KRT222: variants seen among roughly 807,000 people sequenced by gnomAD.
The protein encoded by KRT222 is keratin 222.
A neutral mutation model predicts 35.0 loss-of-function variants in KRT222; 23 were observed. The observed-to-expected ratio is 0.66, with a 90% CI of 0.47 to 0.93. The LOEUF (loss-of-function observed/expected upper bound fraction) is 0.93. Among genes scored for constraint, KRT222 ranks in the 40% least tolerant of loss-of-function variants. The pLI, the probability that KRT222 is intolerant of heterozygous loss-of-function variation, is 0.00. For missense variants in KRT222, 339 were observed against 346.3 expected (o/e 0.98, Z 0.17); for synonymous variants, 108 against 118.8 (o/e 0.91, Z 0.59).
chr17:40,663,894 T>C (rs1312868997), intron 1 of KRT222, among the ~76,000 whole-genome samples: 6 of 152,236 alleles, frequency 3.9e-5, no homozygotes, highest in Admixed American at 2.0e-4. Flanking sequence ...TTGTCATCTA[T>C]TGATTTTTTT....
chr17:40,657,236 T>C, intron 5 of KRT222, 116 bp downstream of exon 5: 1 of 687,158 alleles, frequency 1.5e-6, no homozygotes, highest in Admixed American at 3.7e-5. Context: ...AATCACAGTA[T>C]ACTAAAACTA....
intron 2 of KRT222, 76 bp from the exon 3 acceptor site, chr17:40,660,283 T>TA: frequency 1.7e-6 from 2 of 1,158,662 alleles, no homozygotes; most frequent in Non-Finnish European, 2.5e-6. Flanking sequence ...AATATCTTCA[T>TA]CTTTTTTTTT....
At chr17:40,662,515 T>C (rs1205647613) in intron 1 of KRT222, among the ~76,000 whole-genome samples, 1 of 152,174 alleles carries the variant, frequency 6.6e-6, no homozygotes, top group East Asian at 1.9e-4. Context: ...AGGGCGTAAA[T>C]ACTGCTAGGA....
chr17:40,661,117 T>C (rs2037381262), intron 2 of KRT222, among the ~76,000 whole-genome samples: 1 of 151,954 alleles, frequency 6.6e-6, no homozygotes, highest in Non-Finnish European at 1.5e-5. Flanking sequence ...GCTAATTTTT[T>C]GTATTTTTAG....
intron 5 of KRT222, 23 bp downstream of exon 5, chr17:40,657,329 T>C (rs746020824): frequency 6.8e-7 from 1 of 1,470,174 alleles, no homozygotes; most frequent in Non-Finnish European, 9.1e-7. Flanking sequence ...TTATTATTTC[T>C]TAGTCAAAGT....
intron 1 of KRT222, among the ~76,000 whole-genome samples, chr17:40,663,352 A>T (rs2144035586): frequency 6.6e-6 from 1 of 152,308 alleles, no homozygotes; most frequent in Non-Finnish European, 1.5e-5. Context: ...ATGCTGTGCC[A>T]CTTCTAGACC....
intron 4 of KRT222, 28 bp downstream of exon 4, chr17:40,657,646 A>G (rs1171989850): frequency 6.3e-7 from 1 of 1,586,534 alleles, no homozygotes; most frequent in African/African-American, 1.3e-5. Context: ...TCACTTTTCA[A>G]ATGAGTTTAT....
chr17:40,663,925 T>C (rs1242197804), intron 1 of KRT222, among the ~76,000 whole-genome samples: 2 of 152,212 alleles, frequency 1.3e-5, no homozygotes, highest in Non-Finnish European at 2.9e-5. Context: ...TAAAGGTGAA[T>C]GAACTATCCC....
chr17:40,663,173 T>C (rs560828689), intron 1 of KRT222, among the ~76,000 whole-genome samples: 2 of 152,326 alleles, frequency 1.3e-5, no homozygotes, highest in Admixed American at 6.5e-5. Context: ...TCTGCTGGTC[T>C]TGTGGCTTTC....
At chr17:40,663,950 C>G (rs1454058264) in intron 1 of KRT222, among the ~76,000 whole-genome samples, 2 of 152,034 alleles carry the variant, frequency 1.3e-5, no homozygotes. Flanking sequence ...CTTACCTGTA[C>G]CAGTGACTTT....
intron 3 of KRT222, 92 bp downstream of exon 3, chr17:40,659,895 T>C: frequency 9.6e-7 from 1 of 1,039,180 alleles, no homozygotes; most frequent in Non-Finnish European, 1.5e-6. Flanking sequence ...GATGATGGGG[T>C]TTTTGGATTT....
chr17:40,656,708 A>G (rs984445215), intron 5 of KRT222, 78 bp from the exon 6 acceptor site: 22 of 742,326 alleles, frequency 3.0e-5, no homozygotes, highest in Non-Finnish European at 4.3e-5. Flanking sequence ...TTTCATATCT[A>G]TGGAAAAATC....
chr17:40,663,394 C>T (rs2037398691), intron 1 of KRT222, among the ~76,000 whole-genome samples: 1 of 152,180 alleles, frequency 6.6e-6, no homozygotes, highest in African/African-American at 2.4e-5. Context: ...GCTTCCACTT[C>T]TATGCTTTTG....
In KRT222 at chr17:40,657,607, C is replaced by CTTATAAAGTAA. The variant is rs1427967341; in HGVS notation, c.523+56_523+66dup. On this transcript the variant is annotated intron_variant, in intron 4 of 5. Coordinates refer to ENST00000394052, the MANE Select transcript of KRT222 (RefSeq NM_152349.3). ...TTTCGACTTTAAAGTATTTAATTTC[C>CTTATAAAGTAA]TTATAAAGTAATCCCTGTAAATAGT... The CTTATAAAGTAA allele has an allele frequency of 6.3e-5, 95 of 1,501,286 alleles. No individual in the cohort carries two copies. The African/African-American group carries it at 1.2e-3, about 19-fold the overall frequency. The allele number at this position is 1,501,286 out of a possible 1,614,324, so 93.0% of individuals were successfully genotyped here.
rs1387751511 is a variant in KRT222, at chr17:40,656,209, T to C, written c.*193A>G. 4 of 520,548 alleles carry C rather than the reference T, an allele frequency of 7.7e-6. No homozygotes were observed. Among genetic ancestry groups the C allele is most frequent in the Non-Finnish European group, 1.4e-5 (4 of 296,142 alleles). 32.2% of individuals were successfully genotyped at this position (520,548 alleles called of 1,614,324 possible). On this transcript the variant is annotated 3_prime_UTR_variant, in exon 6 of 6. Transcript: ENST00000394052. The stretch of plus-strand genomic sequence containing the variant: ...CTACTCCCTCTCATTCATATATATA[T>C]ATATATGTCTATCTCCATAATTAGA...
rs776115555 is a variant in KRT222, at chr17:40,659,981, A to G, written c.446+6T>C. The G allele has an allele frequency of 6.2e-7, 1 of 1,601,230 alleles. No homozygotes were observed. The stretch of plus-strand genomic sequence containing the variant: ...CCCTTGTCATTAACTAAATGGATTT[A>G]GGTACCTGATTTCTTCTTTTTCTAG... On this transcript the variant is annotated splice_donor_region_variant and intron_variant, in intron 3 of 5. Transcript: ENST00000394052.
rs567804981 is a variant in KRT222, at chr17:40,661,718, T to C, written c.225+198A>G. On this transcript the variant is annotated intron_variant, in intron 2 of 5. Coordinates refer to ENST00000394052, the MANE Select transcript of KRT222 (RefSeq NM_152349.3). ...TTTCTTCATTTTTACAGGTCTGAACTAAACCTTGAGTGAGTTGGTAACAGC... is the reference window on the plus strand; with the variant it reads ...TTTCTTCATTTTTACAGGTCTGAACCAAACCTTGAGTGAGTTGGTAACAGC... 5.9e-5 allele frequency among the ~76,000 whole-genome samples: 9 copies of C among 152,306 alleles called. No homozygotes were observed. The South Asian group carries it at 1.9e-3, about 32-fold the overall frequency.
chr17:40,661,985 T>C lies in KRT222; in HGVS notation c.156A>G (p.Gln52=), dbSNP rs764643439. 4 of 1,614,108 alleles carry C rather than the reference T, an allele frequency of 2.5e-6. No homozygotes were observed. In the African/African-American group the frequency reaches 5.3e-5, roughly 22 times the overall value. The change falls in exon 2 of 6, where the codon CAA becomes CAG. Residue 52 remains glutamine, a synonymous_variant. Transcript: ENST00000394052. The part of the protein sequence containing the change: ...DKDEEALKAA[Q]AELKEARRQW... ...GGCGTCGGGCCTCCTTGAGTTCTGC[T>C]TGAGCTGCCTTCAAAGCCTCTTCAT...
At chr17:40,664,899 G>T in intron 1 of KRT222, 105 bp downstream of exon 1, 1 of 1,566,404 alleles carries the variant, frequency 6.4e-7, no homozygotes. Context: ...AATAGATGCT[G>T]CATCGAAAAG....
Sources: gnomAD v4.1 joint callset for allele counts (sites outside exome capture counted in the v4.1 genomes callset) on GRCh38, gnomAD v4.1.1 for gene constraint, MANE v1.5 for transcripts, NCBI Gene and HGNC (gene_info 2026-07-23, HGNC 2026-07-21) for gene names.